The following IGSF21 variants were observed in gnomAD, a reference collection of about 807,000 sequenced individuals.
IGSF21 encodes immunoglobulin superfamily member 21.
A neutral mutation model predicts 46.8 loss-of-function variants in IGSF21; 28 were observed. That is an observed-to-expected ratio of 0.60 (90% CI 0.44 to 0.82). The LOEUF (loss-of-function observed/expected upper bound fraction) is 0.82, where lower values mean the gene tolerates loss of function less well. Among genes scored for constraint, IGSF21 ranks in the 40% least tolerant of loss-of-function variants. The pLI is 0.00. For missense variants in IGSF21, 624 were observed against 665.5 expected (o/e 0.94, Z 0.69); for synonymous variants, 284 against 273.6 (o/e 1.04, Z -0.38).
At chr1:18,203,523 G>A (rs2087097712) in intron 1 of IGSF21, among the ~76,000 whole-genome samples, 1 of 152,196 alleles carries the variant, frequency 6.6e-6, no homozygotes, top group African/African-American at 2.4e-5. Flanking sequence ...TGGCCAGGTT[G>A]GCCTTGAACT....
chr1:18,306,385 C>T (rs2085426518), intron 3 of IGSF21, among the ~76,000 whole-genome samples: 1 of 152,246 alleles, frequency 6.6e-6, no homozygotes, highest in African/African-American at 2.4e-5. Flanking sequence ...CTCACCTCCA[C>T]CCAGAATTTC....
chr1:18,239,208 C>A (rs533703453), intron 2 of IGSF21, among the ~76,000 whole-genome samples: 67 of 152,022 alleles, frequency 4.4e-4, no homozygotes, highest in African/African-American at 1.6e-3. Context: ...CTTAACTTGT[C>A]GGAAAAGGAT....
At chr1:18,319,024 T>C (rs1229319525) in intron 3 of IGSF21, among the ~76,000 whole-genome samples, 1 of 152,202 alleles carries the variant, frequency 6.6e-6, no homozygotes, top group Admixed American at 6.5e-5. Flanking sequence ...TGAGAACTAC[T>C]TTTGGCTCCA....
intron 2 of IGSF21, among the ~76,000 whole-genome samples, chr1:18,237,151 G>A (rs1270268025): frequency 3.9e-5 from 6 of 152,120 alleles, no homozygotes; most frequent in Non-Finnish European, 8.8e-5. Context: ...TGGCAGCCTC[G>A]CTCTCCTCAT....
In IGSF21 at chr1:18,375,661, G is replaced by T. The variant is rs546708734; in HGVS notation, c.1016-649G>T. ...ACACCATGTCCACCCCTACCCAGAG[G>T]TTCTAGAAAAATCCCACTGGGAAGA... is the stretch of plus-strand genomic sequence containing the variant. On this transcript the variant is annotated intron_variant, in intron 6 of 9. Transcript: ENST00000251296. Among the ~76,000 whole-genome samples the T allele has an allele frequency of 3.3e-5, 5 of 152,294 alleles. No individual in the cohort carries two copies. In the South Asian group the frequency reaches 1.0e-3, roughly 32 times the overall value.
At chr1:18,110,196 A>T (rs1167270913) in intron 1 of IGSF21, 1 of 152,266 alleles carries the variant, frequency 6.6e-6, no homozygotes, top group Non-Finnish European at 1.5e-5. Flanking sequence ...ATGAAGGAAG[A>T]GCGCAGACGC....
chr1:18,192,107 C>T (rs578012044), intron 1 of IGSF21, among the ~76,000 whole-genome samples: 216 of 152,340 alleles, frequency 1.4e-3, no homozygotes, highest in African/African-American at 5.0e-3. Context: ...TGGAGCCACG[C>T]AAGCCTGGGT....
chr1:18,169,974 A>G (rs10752431), intron 1 of IGSF21, among the ~76,000 whole-genome samples: 87,938 of 151,990 alleles, frequency 0.58, 25,712 homozygotes, highest in Middle Eastern at 0.65. Context: ...CGGTGCCAAC[A>G]AGGTATGGCA....
At chr1:18,159,792 C>G (rs1414867316) in intron 1 of IGSF21, among the ~76,000 whole-genome samples, 2 of 151,178 alleles carry the variant, frequency 1.3e-5, no homozygotes, top group African/African-American at 4.9e-5. Flanking sequence ...AAGCCATTCT[C>G]TGCCTCAGCC....
chr1:18,231,663 A>G (rs2084626919), intron 2 of IGSF21, among the ~76,000 whole-genome samples: 1 of 152,196 alleles, frequency 6.6e-6, no homozygotes, highest in Non-Finnish European at 1.5e-5. Flanking sequence ...GCCACATTTC[A>G]AGTGCTCACT....
chr1:18,163,948 C>G (rs2086653425), intron 1 of IGSF21, among the ~76,000 whole-genome samples: 1 of 152,188 alleles, frequency 6.6e-6, no homozygotes, highest in Non-Finnish European at 1.5e-5. Context: ...TGATAGCCAT[C>G]ATTTATATGA....
intron 1 of IGSF21, among the ~76,000 whole-genome samples, chr1:18,146,611 G>A (rs1253233341): frequency 6.6e-6 from 1 of 152,180 alleles, no homozygotes; most frequent in African/African-American, 2.4e-5. Flanking sequence ...TTTTGGTCAA[G>A]GTAGTAGGAG....
chr1:18,170,866 A>G (rs939403090), intron 1 of IGSF21, among the ~76,000 whole-genome samples: 14 of 152,150 alleles, frequency 9.2e-5, no homozygotes, highest in African/African-American at 3.1e-4. Flanking sequence ...TTCAGAGAAG[A>G]CAGTGGTCAG....
At chr1:18,130,671 C>A (rs934726710) in intron 1 of IGSF21, among the ~76,000 whole-genome samples, 1 of 152,210 alleles carries the variant, frequency 6.6e-6, no homozygotes, top group Non-Finnish European at 1.5e-5. Flanking sequence ...AAATCCAGAT[C>A]AGCTGGCTCT....
intron 6 of IGSF21, chr1:18,376,097 G>A (rs999027652): frequency 5.7e-6 from 3 of 528,586 alleles, no homozygotes; most frequent in Admixed American, 5.8e-5. Context: ...TGACTCCCCA[G>A]GTCCTAGAGA....
chr1:18,287,558 G>T (rs186245942), intron 2 of IGSF21, among the ~76,000 whole-genome samples: 81 of 152,282 alleles, frequency 5.3e-4, no homozygotes, highest in African/African-American at 1.9e-3. Flanking sequence ...CTCTCGCTCT[G>T]GGGCCAGGCA....
chr1:18,318,387 G>A (rs955513026), intron 3 of IGSF21, among the ~76,000 whole-genome samples: 36 of 152,136 alleles, frequency 2.4e-4, no homozygotes, highest in African/African-American at 8.4e-4. Flanking sequence ...CCATTAAAAT[G>A]TACCAGCTTG....
chr1:18,235,174 C>G lies in IGSF21; in HGVS notation c.183+7164C>G, dbSNP rs11807512. 6.7e-3 allele frequency among the ~76,000 whole-genome samples: 1,014 copies of G among 152,274 alleles called. 12 individuals are homozygous for G. Among genetic ancestry groups the G allele is most frequent in the African/African-American group, 0.023 (975 of 41,552 alleles). ...GGGCATTTGTACTTTTAACGAGTTC[C>G]CCAGATGACAGTGACGCACTCAACC... On this transcript the variant is annotated intron_variant, in intron 2 of 9. Coordinates refer to ENST00000251296, the MANE Select transcript of IGSF21 (RefSeq NM_032880.5).
intron 1 of IGSF21, among the ~76,000 whole-genome samples, chr1:18,160,697 G>C (rs2086611420): frequency 6.6e-6 from 1 of 152,182 alleles, no homozygotes; most frequent in Non-Finnish European, 1.5e-5. Context: ...CCCACTGATG[G>C]GGGGAACTAA....
Sources: gnomAD v4.1 joint callset for allele counts (sites outside exome capture counted in the v4.1 genomes callset) on GRCh38, gnomAD v4.1.1 for gene constraint, MANE v1.5 for transcripts, NCBI Gene and HGNC (gene_info 2026-07-23, HGNC 2026-07-21) for gene names.